Variants in NWD2 observed in about 807,000 individuals in gnomAD.
NWD2 encodes the protein NACHT and WD repeat domain-containing protein 2.
A neutral mutation model predicts 132.7 loss-of-function variants in NWD2; 37 were observed. The ratio of observed to expected loss-of-function variants is 0.28; its 90% confidence interval spans 0.21 to 0.37. The LOEUF is 0.37. Among genes scored for constraint, NWD2 ranks in the 10% least tolerant of loss-of-function variants. The pLI is 1.00. For missense variants in NWD2, 1,592 were observed against 2,122.4 expected (o/e 0.75, Z 4.91); for synonymous variants, 705 against 803.0 (o/e 0.88, Z 2.06).
chr4:37,343,740 G>A (rs1719577166), intron 2 of NWD2, among the ~76,000 whole-genome samples: 1 of 152,158 alleles, frequency 6.6e-6, no homozygotes, highest in South Asian at 2.1e-4. Flanking sequence ...CCTATCTGAA[G>A]AAATGATAGT....
At chr4:37,329,843 A>G (rs1719255659) in intron 2 of NWD2, among the ~76,000 whole-genome samples, 1 of 152,212 alleles carries the variant, frequency 6.6e-6, no homozygotes, top group South Asian at 2.1e-4. Flanking sequence ...AAAATAGTGC[A>G]AACAGGAAGA....
chr4:37,383,377 A>G (rs1038868804), intron 3 of NWD2, among the ~76,000 whole-genome samples: 5 of 152,314 alleles, frequency 3.3e-5, no homozygotes, highest in African/African-American at 2.4e-5. Flanking sequence ...TGTTCTTGAT[A>G]TGCCAGAGAC....
rs2109331074 is a variant in NWD2, at chr4:37,443,851, G to A, written c.1863G>A (p.Arg621=). The A allele has an allele frequency of 6.4e-7, 1 of 1,552,210 alleles. No homozygotes were observed. Among genetic ancestry groups the A allele is most frequent in the Non-Finnish European group, 8.7e-7 (1 of 1,147,110 alleles). The change falls in exon 7 of 7, where the codon AGG becomes AGA. Residue 621 remains arginine, a synonymous_variant. Coordinates refer to ENST00000309447, the MANE Select transcript of NWD2 (RefSeq NM_001144990.2). This position sits in a 1 kb window ranked among gnomAD's most constrained non-coding sequence, Gnocchi z 4.1. Reference sequence around the variant, plus strand: ...TGAACCTGACCTTCAGGGAGGTGAGGCACTGGAGATCTCACAAAGACGTCG... The same window carrying A: ...TGAACCTGACCTTCAGGGAGGTGAGACACTGGAGATCTCACAAAGACGTCG... ...MFVNLTFREV[R]HWRSHKDVDE... is the part of the protein sequence containing the mutation.
chr4:37,354,010 G>T (rs1286568853), intron 2 of NWD2, among the ~76,000 whole-genome samples: 4 of 152,246 alleles, frequency 2.6e-5, no homozygotes, highest in Admixed American at 6.5e-5. Flanking sequence ...TGATGCTGGT[G>T]ACCTTAGGGT....
At chr4:37,347,717 AT>A (rs1438539587) in intron 2 of NWD2, among the ~76,000 whole-genome samples, 5 of 152,214 alleles carry the variant, frequency 3.3e-5, no homozygotes, top group Non-Finnish European at 7.3e-5. Flanking sequence ...ATTACTTTAT[AT>A]AATTGTATGA....
At chr4:37,315,630 A>ATCTAGCC (rs1718940898) in intron 1 of NWD2, among the ~76,000 whole-genome samples, 1 of 151,944 alleles carries the variant, frequency 6.6e-6, no homozygotes, top group Non-Finnish European at 1.5e-5. Flanking sequence ...TTGTTTTGTT[A>ATCTAGCC]TCTAGCCTGG....
At chr4:37,247,149 A>C (rs1032219361) in intron 1 of NWD2, among the ~76,000 whole-genome samples, 1 of 152,228 alleles carries the variant, frequency 6.6e-6, no homozygotes, top group African/African-American at 2.4e-5. Context: ...GGGAAGTTTC[A>C]ATAGGGGCAG....
At chr4:37,336,123 A>G (rs1719401156) in intron 2 of NWD2, among the ~76,000 whole-genome samples, 1 of 152,098 alleles carries the variant, frequency 6.6e-6, no homozygotes, top group Non-Finnish European at 1.5e-5. Flanking sequence ...CTTTAAGAAG[A>G]GTATAGTCAT....
intron 2 of NWD2, among the ~76,000 whole-genome samples, chr4:37,335,300 C>CA (rs1427452384): frequency 4.8e-5 from 3 of 62,326 alleles, no homozygotes; most frequent in East Asian, 1.1e-3. Context: ...GGGGGGTGGG[C>CA]GGGGGGGGGG....
chr4:37,437,355 T>C (rs1220637259), intron 5 of NWD2, among the ~76,000 whole-genome samples: 1 of 152,174 alleles, frequency 6.6e-6, no homozygotes, highest in Non-Finnish European at 1.5e-5. Flanking sequence ...CTGAGATCTC[T>C]TTTATATGAA....
At chr4:37,393,594 T>C (rs1347356927) in intron 3 of NWD2, among the ~76,000 whole-genome samples, 1 of 152,218 alleles carries the variant, frequency 6.6e-6, no homozygotes, top group Admixed American at 6.5e-5. Flanking sequence ...ATTGCGTCTC[T>C]TAGTAGGGAC....
intron 3 of NWD2, among the ~76,000 whole-genome samples, chr4:37,423,813 C>T (rs1196314784): frequency 6.6e-6 from 1 of 152,140 alleles, no homozygotes; most frequent in African/African-American, 2.4e-5. Flanking sequence ...CATCACATCC[C>T]CATTTCTCCA....
rs1466655961 is a variant in NWD2, at chr4:37,439,496, T to C, written c.1296+106T>C. 9.5e-6 allele frequency: 8 copies of C among 838,844 alleles called. No homozygotes were observed. In the East Asian group the frequency reaches 1.6e-4, roughly 17 times the overall value. 52.0% of individuals were successfully genotyped at this position (838,844 alleles called of 1,614,324 possible). ...CTTTCTGAGTTTACTATGTGAATTA[T>C]AGTTGGTCTTTTAGGAGTGAATACT... is the stretch of plus-strand genomic sequence containing the variant. On this transcript the variant is annotated intron_variant, in intron 6 of 6. Coordinates refer to ENST00000309447, the MANE Select transcript of NWD2 (RefSeq NM_001144990.2). The surrounding 1 kb of genome is among the most constrained non-coding windows in gnomAD (Gnocchi z 4.5).
chr4:37,345,496 A>G (rs1388160375), intron 2 of NWD2, among the ~76,000 whole-genome samples: 1 of 152,158 alleles, frequency 6.6e-6, no homozygotes, highest in Non-Finnish European at 1.5e-5. Flanking sequence ...AAATTTGTAT[A>G]TATTCTGTGA....
intron 1 of NWD2, among the ~76,000 whole-genome samples, chr4:37,251,809 A>G (rs1020249112): frequency 6.6e-6 from 1 of 152,196 alleles, no homozygotes. Flanking sequence ...ACACCAAGAG[A>G]TAGTATCTAG....
intron 2 of NWD2, among the ~76,000 whole-genome samples, chr4:37,335,368 G>A (rs936585): frequency 0.97 from 144,537 of 148,646 alleles, 70,406 homozygotes; most frequent in East Asian, 1. Flanking sequence ...TCATTAAAAT[G>A]TAGTGAAGTC....
chr4:37,250,746 A>G (rs1331172450), intron 1 of NWD2, among the ~76,000 whole-genome samples: 1 of 152,208 alleles, frequency 6.6e-6, no homozygotes, highest in Non-Finnish European at 1.5e-5. Context: ...TGCATTGCTT[A>G]ATGACAGGGA....
At chr4:37,315,739 C>T (rs1486724879) in intron 1 of NWD2, among the ~76,000 whole-genome samples, 2 of 151,968 alleles carry the variant, frequency 1.3e-5, no homozygotes, top group Admixed American at 6.6e-5. Context: ...TTCTACATAT[C>T]TCACGTTGGT....
intron 1 of NWD2, among the ~76,000 whole-genome samples, chr4:37,268,061 A>C (rs546306824): frequency 6.6e-6 from 1 of 151,846 alleles, no homozygotes; most frequent in Non-Finnish European, 1.5e-5. Flanking sequence ...TTGGAAGACA[A>C]TTTTCATGCT....
Sources: gnomAD v4.1 joint callset for allele counts (sites outside exome capture counted in the v4.1 genomes callset) on GRCh38, gnomAD v4.1.1 for gene constraint, Gnocchi (gnomAD v3.1) non-coding constraint, MANE v1.5 for transcripts, NCBI Gene and HGNC (gene_info 2026-07-23, HGNC 2026-07-21) for gene names.